The following CHRM3 variants were observed in gnomAD, a reference collection of about 807,000 sequenced individuals.
CHRM3 encodes the protein muscarinic acetylcholine receptor M3.
Under a neutral mutation model 41.8 loss-of-function variants are expected in CHRM3, and 11 were observed. The ratio of observed to expected loss-of-function variants is 0.26; its 90% CI spans 0.17 to 0.44. CHRM3 has a LOEUF of 0.44. Ranked by LOEUF, CHRM3 falls within the 20% of genes least tolerant of loss-of-function variation. The probability of loss-of-function intolerance (pLI) is 1.00; values close to 1 mark genes in which losing one functional copy is unlikely to be tolerated. For missense variants in CHRM3, 571 were observed against 745.4 expected (o/e 0.77, Z 2.72); for synonymous variants, 297 against 301.4 (o/e 0.99, Z 0.15).
Position 239,387,546 on chromosome 1 carries a change from C to G in CHRM3, c.-521+319C>G, listed in dbSNP as rs1164923830. 6.6e-6 allele frequency among the ~76,000 whole-genome samples: 1 copy of G among 151,904 alleles called. No individual in the cohort carries two copies. The highest frequency in any genetic ancestry group is 1.5e-5 in the Non-Finnish European group (1 of 67,992). On this transcript the variant is annotated intron_variant, in intron 1 of 6. Transcript: ENST00000676153. This position sits in a 1 kb window ranked among gnomAD's most constrained non-coding sequence, Gnocchi z 5.1. ...ATGCGAGCGGTGGCCGGGAGAGAGT[C>G]GGGGACGTCCCACCCCGCTCTCCCT...
At chr1:239,668,084 C>T in intron 4 of CHRM3, among the ~76,000 whole-genome samples, 1 of 146,222 alleles carries the variant, frequency 6.8e-6, no homozygotes, top group Non-Finnish European at 1.5e-5. Flanking sequence ...TTTTTTTTCC[C>T]CTTTCTTTTT....
At chr1:239,819,668 C>T (rs147718497) in intron 5 of CHRM3, among the ~76,000 whole-genome samples, 39 of 152,208 alleles carry the variant, frequency 2.6e-4, no homozygotes, top group African/African-American at 9.2e-4. Context: ...TAAAGAAGCT[C>T]GTATGGTAAA....
chr1:239,569,384 A>T (rs918163832), intron 3 of CHRM3, among the ~76,000 whole-genome samples: 1 of 152,158 alleles, frequency 6.6e-6, no homozygotes, highest in Admixed American at 6.6e-5. Flanking sequence ...GGCCCCATCA[A>T]CTCATCATAT....
rs1312418908 is a variant in CHRM3 at position 239,457,943 on chromosome 1, A to G, written c.-520-34766A>G. Among the ~76,000 whole-genome samples, 2 of 152,166 alleles carry G rather than the reference A, an allele frequency of 1.3e-5. 1 individual carries two copies. Among genetic ancestry groups the G allele is most frequent in the East Asian group, 3.9e-4 (2 of 5,188 alleles). On this transcript the variant is annotated intron_variant, in intron 1 of 6. Coordinates refer to ENST00000676153, the MANE Select transcript of CHRM3 (RefSeq NM_001375978.1). ...ATCACTTGTTTCTGTCCATGAAGGA[A>G]GTTGTTTCTTATGGGAAGGTAGAAA...
At chr1:239,859,819 T>TTATATATATATATATATATATATA (rs55700294) in intron 6 of CHRM3, among the ~76,000 whole-genome samples, 1 of 131,422 alleles carries the variant, frequency 7.6e-6, no homozygotes, top group Non-Finnish European at 1.6e-5. Context: ...TCTAAGTGTT[T>TTATATATATATATATATATATATA]TATATATATA....
intron 5 of CHRM3, among the ~76,000 whole-genome samples, chr1:239,762,697 T>C (rs1666899104): frequency 6.6e-6 from 1 of 152,146 alleles, no homozygotes; most frequent in South Asian, 2.1e-4. Context: ...CCAAAAGGAA[T>C]CATAATCTCA....
chr1:239,642,222 G>A (rs1463225884), intron 4 of CHRM3, among the ~76,000 whole-genome samples: 1 of 149,114 alleles, frequency 6.7e-6, no homozygotes, highest in Non-Finnish European at 1.5e-5. Context: ...TTCAACTTTG[G>A]TGAATCTGAC....
rs1372734371 is a variant in CHRM3, at chr1:239,691,057, T to C, written c.-147+12769T>C. ...AAGGGAAGCAAAGACCTTATATCAC[T>C]CAGGAAATTTTGCTGGACTCTAATG... On this transcript the variant is annotated intron_variant, in intron 5 of 6. Transcript: ENST00000676153. Among the ~76,000 whole-genome samples, 2 of 152,010 alleles carry C rather than the reference T, an allele frequency of 1.3e-5. 1 individual carries two copies. The highest frequency in any genetic ancestry group is 1.3e-4 in the Admixed American group (2 of 15,242).
At chr1:239,631,644 T>A (rs527742980) in intron 3 of CHRM3, among the ~76,000 whole-genome samples, 1 of 152,318 alleles carries the variant, frequency 6.6e-6, no homozygotes, top group Non-Finnish European at 1.5e-5. Flanking sequence ...GATTCTGGCC[T>A]AGCTGTCAGG....
At chr1:239,639,379 A>T (rs1193519085) in intron 4 of CHRM3, among the ~76,000 whole-genome samples, 1 of 152,116 alleles carries the variant, frequency 6.6e-6, no homozygotes, top group Non-Finnish European at 1.5e-5. Context: ...TACGATATTG[A>T]TTCTTCCTAC....
At chr1:239,655,711 TATA>T (rs1334286900) in intron 4 of CHRM3, among the ~76,000 whole-genome samples, 1 of 152,198 alleles carries the variant, frequency 6.6e-6, no homozygotes, top group African/African-American at 2.4e-5. Flanking sequence ...GGACAATCAG[TATA>T]ATATCAGTGT....
chr1:239,699,796 C>T (rs972989645), intron 5 of CHRM3, among the ~76,000 whole-genome samples: 2 of 152,086 alleles, frequency 1.3e-5, no homozygotes, highest in Admixed American at 1.3e-4. Context: ...TAACAAATTG[C>T]ATACCCAAAA....
chr1:239,516,092 G>C (rs1572566243), intron 2 of CHRM3, among the ~76,000 whole-genome samples: 1 of 152,086 alleles, frequency 6.6e-6, no homozygotes, highest in South Asian at 2.1e-4. Flanking sequence ...AGAAAGCTGA[G>C]CTTTTTTTTT....
chr1:239,503,898 C>T (rs1668400095), intron 2 of CHRM3, among the ~76,000 whole-genome samples: 1 of 152,038 alleles, frequency 6.6e-6, no homozygotes, highest in African/African-American at 2.4e-5. Flanking sequence ...TCATCTCTGG[C>T]CTTATAAAAA....
At chr1:239,588,136 A>C (rs997974203) in intron 3 of CHRM3, among the ~76,000 whole-genome samples, 1 of 152,236 alleles carries the variant, frequency 6.6e-6, no homozygotes, top group African/African-American at 2.4e-5. Context: ...ATTTTAAACA[A>C]ACTTGATTTA....
At chr1:239,530,566 G>A (rs570012581) in intron 2 of CHRM3, among the ~76,000 whole-genome samples, 61 of 152,340 alleles carry the variant, frequency 4.0e-4, no homozygotes, top group Middle Eastern at 3.4e-3. Context: ...AACGTCAGTG[G>A]ATTTCAGTGG....
At chr1:239,759,180 TTGTTTTTTTTTTTTTTAG>T (rs1401389514) in intron 5 of CHRM3, among the ~76,000 whole-genome samples, 8 of 139,722 alleles carry the variant, frequency 5.7e-5, no homozygotes, top group East Asian at 2.6e-4. Context: ...TTTTTTTTTT[TTGTTTTTTTTTTTTTTAG>T]AGAGAGGCTT....
intron 1 of CHRM3, among the ~76,000 whole-genome samples, chr1:239,466,782 TA>T (rs1450883500): frequency 2.6e-5 from 4 of 152,224 alleles, no homozygotes; most frequent in South Asian, 2.1e-4. Context: ...TATTTTAAAT[TA>T]TAGATTACAT....
chr1:239,882,649 T>A (rs537277), intron 6 of CHRM3, among the ~76,000 whole-genome samples: 79,913 of 152,036 alleles, frequency 0.53, 21,792 homozygotes, highest in East Asian at 0.64. Flanking sequence ...CATGGATGCA[T>A]TAAGAAGGGA....
Sources: gnomAD v4.1 joint callset for allele counts (sites outside exome capture counted in the v4.1 genomes callset) on GRCh38, gnomAD v4.1.1 for gene constraint, Gnocchi (gnomAD v3.1) non-coding constraint, MANE v1.5 for transcripts, NCBI Gene and HGNC (gene_info 2026-07-23, HGNC 2026-07-21) for gene names.